RELA: variants seen among roughly 807,000 people sequenced by gnomAD.
RELA encodes the protein RELA proto-oncogene, NF-kB subunit, also known as transcription factor p65.
Under a neutral mutation model 56.7 loss-of-function variants are expected in RELA, and 14 were observed. The ratio of observed to expected loss-of-function variants is 0.25; its 90% CI spans 0.16 to 0.39. The LOEUF is 0.39. RELA is among the 10% of genes least tolerant of loss of function. The probability of loss-of-function intolerance (pLI) is 1.00; values close to 1 mark genes in which losing one functional copy is unlikely to be tolerated. For synonymous variants in RELA, 315 were observed against 289.7 expected, an observed-to-expected ratio of 1.09 and a Z score of -0.89; for missense variants, 559 against 736.4, an observed-to-expected ratio of 0.76 and a Z score of 2.79.
Position 65,654,549 on chromosome 11 carries a change from C to G in RELA, c.1485G>C (p.Glu495Asp), listed in dbSNP as rs756297857. 7 of 1,613,418 alleles carry G rather than the reference C, an allele frequency of 4.3e-6. No individual in the cohort carries two copies. The highest frequency in any genetic ancestry group is 5.9e-6 in the Non-Finnish European group (7 of 1,179,756). The change falls in exon 11 of 11, where the codon GAG (glutamate) becomes GAC (aspartate). Residue 495 changes from glutamate to aspartate, a missense_variant. This residue lies in a region of RELA where 365 missense variants were observed against 387.5 expected (regional missense o/e 0.94). Coordinates refer to ENST00000406246, the MANE Select transcript of RELA (RefSeq NM_021975.4). ...APHTTEPMLM[E>D]YPEAITRLVT... ...CTAGGCGAGTTATAGCCTCAGGGTA[C>G]TCCATCAGCATGGGCTCAGTTGTGT...
Position 65,658,242 on chromosome 11 carries a change from G to A in RELA, c.877+45C>T, listed in dbSNP as rs374516968. The A allele has an allele frequency of 3.9e-5, 57 of 1,449,954 alleles. No individual in the cohort carries two copies. The highest frequency in any genetic ancestry group is 5.2e-5 in the Non-Finnish European group (55 of 1,062,596). The allele number at this position is 1,449,954 out of a possible 1,614,324, so 89.8% of individuals were successfully genotyped here. ...CATGCAGTCTTGGCCTCTCTCTCAC[G>A]GCACAGAGCCCAGCTGCCCTGATGC... On this transcript the variant is annotated intron_variant, in intron 8 of 10. Coordinates refer to ENST00000406246, the MANE Select transcript of RELA (RefSeq NM_021975.4). The surrounding 1 kb of genome is among the most constrained non-coding windows in gnomAD (Gnocchi z 4.5).
At position 65,655,013 on chromosome 11, in the gene RELA, G is replaced by C. The variant is rs1565188326; in HGVS notation, c.1034-13C>G. ...TAGGGCTGGGGTGCTGGAGGAGAGA[G>C]ACAGAGAGGCAGGGGTCAGAGAAAG... On this transcript the variant is annotated splice_polypyrimidine_tract_variant and intron_variant, in intron 10 of 10. Transcript: ENST00000406246. 1.3e-6 allele frequency: 2 copies of C among 1,583,906 alleles called. No homozygotes were observed. The highest frequency in any genetic ancestry group is 3.6e-5 in the Admixed American group (2 of 54,922).
intron 8 of RELA, among the ~76,000 whole-genome samples, chr11:65,657,737 G>A (rs1428468891): frequency 2.0e-5 from 3 of 152,198 alleles, no homozygotes; most frequent in Non-Finnish European, 4.4e-5. Context: ...CATTTCACAT[G>A]TCATTCCGTG....
chr11:65,658,237 C>G lies in RELA; in HGVS notation c.877+50G>C, dbSNP rs753613875. The G allele has an allele frequency of 1.3e-5, 18 of 1,419,074 alleles. No homozygotes were observed. In the South Asian group the frequency reaches 2.2e-4, roughly 17 times the overall value. The allele number at this position is 1,419,074 out of a possible 1,614,324, so 87.9% of individuals were successfully genotyped here. A position where few individuals can be genotyped will look rare whatever the true frequency, so the allele number is the denominator to read the frequency against. ...CCAGACATGCAGTCTTGGCCTCTCT[C>G]TCACGGCACAGAGCCCAGCTGCCCT... is the stretch of plus-strand genomic sequence containing the variant. On this transcript the variant is annotated intron_variant, in intron 8 of 10. Coordinates refer to ENST00000406246, the MANE Select transcript of RELA (RefSeq NM_021975.4). The surrounding 1 kb of genome is among the most constrained non-coding windows in gnomAD (Gnocchi z 4.5).
At chr11:65,659,104 A>C (rs1002339750) in intron 6 of RELA, among the ~76,000 whole-genome samples, 11 of 152,122 alleles carry the variant, frequency 7.2e-5, no homozygotes, top group Non-Finnish European at 1.6e-4. Flanking sequence ...AGTGGGTGCC[A>C]ATCTGATCAC....
At chr11:65,655,250 G>T in intron 10 of RELA, 2 of 577,028 alleles carry the variant, frequency 3.5e-6, no homozygotes, top group Non-Finnish European at 6.1e-6. Flanking sequence ...TAGAGGAAGG[G>T]ACACTTGGAG....
intron 8 of RELA, among the ~76,000 whole-genome samples, chr11:65,656,188 CAA>C (rs1856423300): frequency 6.6e-6 from 1 of 152,184 alleles, no homozygotes. Flanking sequence ...ATGCTCTGGG[CAA>C]AGAGGAGACC....
rs1008369334 is a variant in RELA at position 65,656,575 on chromosome 11, G to A, written c.878-640C>T. ...ATTATCTTCTTTTCTCTCACTCCCC[G>A]CCAGTAACTTGACATATATTTATCA... On this transcript the variant is annotated intron_variant, in intron 8 of 10. Coordinates refer to ENST00000406246, the MANE Select transcript of RELA (RefSeq NM_021975.4). 2.0e-5 allele frequency among the ~76,000 whole-genome samples: 3 copies of A among 152,044 alleles called. No homozygotes were observed. The East Asian group carries it at 5.8e-4, about 29-fold the overall frequency.
intron 4 of RELA, chr11:65,661,369 A>C (rs960085662): frequency 3.8e-6 from 1 of 261,040 alleles, no homozygotes; most frequent in African/African-American, 2.2e-5. Flanking sequence ...TGCAATGTCA[A>C]CTCCAGGGGA....
Position 65,658,662 on chromosome 11 carries a change from T to C in RELA, c.664+56A>G. 6.5e-7 allele frequency: 1 copy of C among 1,532,112 alleles called. No homozygotes were observed. Among genetic ancestry groups the C allele is most frequent in the Non-Finnish European group, 9.0e-7 (1 of 1,106,696 alleles). 94.9% of individuals were successfully genotyped at this position (1,532,112 alleles called of 1,614,324 possible). ...AGCCAGTTACCTGACACTCCACTTC[T>C]CTGCTCAGCTTCACCCCTTGCTCCC... On this transcript the variant is annotated intron_variant, in intron 7 of 10. Transcript: ENST00000406246. This position sits in a 1 kb window ranked among gnomAD's most constrained non-coding sequence, Gnocchi z 4.5.
At chr11:65,661,572 G>A (rs1304287282) in intron 4 of RELA, 115 bp downstream of exon 4, 6 of 971,258 alleles carry the variant, frequency 6.2e-6, no homozygotes, top group Non-Finnish European at 9.2e-6. Flanking sequence ...GCTGAGTCAG[G>A]GCAAGGAGTG....
chr11:65,654,638 G>A lies in RELA; in HGVS notation c.1396C>T (p.Leu466=), dbSNP rs750463094. Reference sequence around the variant, plus strand: ...AACTCGGAGTTGTCGACGGATGCCAGGTCTGTGAACACAGCTGGGTCTGTG... The same window carrying A: ...AACTCGGAGTTGTCGACGGATGCCAAGTCTGTGAACACAGCTGGGTCTGTG... ...NSTDPAVFTD[L]ASVDNSEFQQ... is the part of the protein sequence containing the mutation. The change falls in exon 11 of 11, where the codon CTG becomes TTG. Residue 466 remains leucine (L), a synonymous_variant. Coordinates refer to ENST00000406246, the MANE Select transcript of RELA (RefSeq NM_021975.4). 1 of 1,601,538 alleles carries A rather than the reference G, an allele frequency of 6.2e-7. No individual in the cohort carries two copies. Among genetic ancestry groups the A allele is most frequent in the Non-Finnish European group, 8.5e-7 (1 of 1,174,684 alleles).
rs1856481404 is a variant in RELA, at chr11:65,658,342, C to T, written c.822G>A (p.Arg274=). 1.2e-6 allele frequency: 2 copies of T among 1,612,496 alleles called. No homozygotes were observed. Among genetic ancestry groups the T allele is most frequent in the African/African-American group, 1.3e-5 (1 of 74,900 alleles). The change falls in exon 8 of 11, where the codon CGG becomes CGA. Residue 274 remains arginine (R), a synonymous_variant. Coordinates refer to ENST00000406246, the MANE Select transcript of RELA (RefSeq NM_021975.4). The surrounding 1 kb of genome is among the most constrained non-coding windows in gnomAD (Gnocchi z 4.5). ...APVRVSMQLR[R]PSDRELSEPM... ...GCTCACTGAGCTCCCGGTCGGAAGG[C>T]CGCCGCAGCTGCATGGAGACACGCA...
chr11:65,655,072 C>A, intron 10 of RELA, 72 bp from the exon 11 acceptor site: 1 of 1,237,554 alleles, frequency 8.1e-7, no homozygotes, highest in Non-Finnish European at 1.2e-6. Flanking sequence ...TGTACCCCAG[C>A]CCCTCTTCAT....
chr11:65,660,097 G>A (rs732072), intron 5 of RELA, 27 bp downstream of exon 5: 121,092 of 1,599,096 alleles, frequency 0.076, 5,332 homozygotes, highest in South Asian at 0.17. Context: ...CAGAGGGTGC[G>A]GGTGTGGCAG....
In RELA at chr11:65,654,220, T is replaced by C; in HGVS notation, c.*158A>G. ...CTCCAAAAAGAGAGAGAGATACAGA[T>C]ACTGACAATAAAAGAATAAAATATG... On this transcript the variant is annotated 3_prime_UTR_variant, in exon 11 of 11. Transcript: ENST00000406246. The C allele has an allele frequency of 1.1e-6, 1 of 877,862 alleles. No homozygotes were observed. Among genetic ancestry groups the C allele is most frequent in the East Asian group, 2.6e-5 (1 of 37,916 alleles). 54.4% of individuals were successfully genotyped at this position (877,862 alleles called of 1,614,324 possible). A position where few individuals can be genotyped will look rare whatever the true frequency, so the allele number is the denominator to read the frequency against.
chr11:65,660,079 G>A, intron 5 of RELA, 45 bp downstream of exon 5: 1 of 1,560,086 alleles, frequency 6.4e-7, no homozygotes, highest in South Asian at 1.1e-5. Flanking sequence ...GCGGGCTGGG[G>A]AGGGTGACAG....
rs1371645564 is a variant in RELA, at chr11:65,660,108, G to T, written c.427+16C>A. 5 of 1,610,982 alleles carry T rather than the reference G, an allele frequency of 3.1e-6. No individual in the cohort carries two copies. Among genetic ancestry groups the T allele is most frequent in the Non-Finnish European group, 4.2e-6 (5 of 1,177,118 alleles). ...GTGACAGAGGGTGCGGGTGTGGCAG[G>T]CAGGTTTGCCCTCACCTTGGAAGGG... On this transcript the variant is annotated intron_variant, in intron 5 of 10. Coordinates refer to ENST00000406246, the MANE Select transcript of RELA (RefSeq NM_021975.4).
At chr11:65,656,918 G>A (rs1415493265) in intron 8 of RELA, among the ~76,000 whole-genome samples, 3 of 151,380 alleles carry the variant, frequency 2.0e-5, no homozygotes, top group Admixed American at 6.6e-5. Flanking sequence ...CCAGCTACTC[G>A]GGAGGCTGAG....
Sources: gnomAD v4.1 joint callset for allele counts (sites outside exome capture counted in the v4.1 genomes callset) on GRCh38, gnomAD v4.1.1 for gene constraint, gnomAD v4.1.1 regional missense constraint, Gnocchi (gnomAD v3.1) non-coding constraint, MANE v1.5 for transcripts, NCBI Gene and HGNC (gene_info 2026-07-23, HGNC 2026-07-21) for gene names.